The following RGS9 variants were observed in gnomAD, a reference collection of about 807,000 sequenced individuals.
RGS9 encodes regulator of G-protein signalling 9.
A neutral mutation model predicts 102.0 loss-of-function variants in RGS9; 78 were observed. That is an observed-to-expected ratio of 0.76 (90% CI 0.64 to 0.92). The LOEUF (loss-of-function observed/expected upper bound fraction) is 0.92, where lower values mean the gene tolerates loss of function less well. Among genes scored for constraint, RGS9 ranks in the 40% least tolerant of loss-of-function variants. The probability of loss-of-function intolerance (pLI) is 0.00; values close to 1 mark genes in which losing one functional copy is unlikely to be tolerated. For synonymous variants in RGS9, 353 were observed against 318.6 expected (o/e 1.11, Z -1.15); for missense variants, 833 against 866.1 (o/e 0.96, Z 0.48).
chr17:65,145,564 T>A (rs1434176793), intron 1 of RGS9, among the ~76,000 whole-genome samples: 80 of 96,338 alleles, frequency 8.3e-4, no homozygotes, highest in African/African-American at 3.5e-3. Context: ...TTTTTTTTTT[T>A]AATATATTTT....
At chr17:65,216,116 T>A (rs931847999) in intron 17 of RGS9, among the ~76,000 whole-genome samples, 2 of 152,018 alleles carry the variant, frequency 1.3e-5, no homozygotes, top group African/African-American at 4.8e-5. Flanking sequence ...TAATTATAGT[T>A]CCCCCTTCTT....
chr17:65,169,504 G>C (rs1475138152), intron 8 of RGS9, among the ~76,000 whole-genome samples: 4 of 152,174 alleles, frequency 2.6e-5, no homozygotes, highest in Non-Finnish European at 5.9e-5. Flanking sequence ...GCACTCTGTG[G>C]TGAGGATAAG....
intron 18 of RGS9, 84 bp downstream of exon 18, chr17:65,225,570 T>C: frequency 6.3e-7 from 1 of 1,589,092 alleles, no homozygotes; most frequent in Non-Finnish European, 8.5e-7. Context: ...TGCTTTGGGC[T>C]GGGGACTGGG....
intron 18 of RGS9, among the ~76,000 whole-genome samples, chr17:65,226,770 G>A (rs1236226335): frequency 2.0e-5 from 3 of 152,090 alleles, no homozygotes; most frequent in Admixed American, 1.3e-4. Context: ...ATGCCACCAC[G>A]CCCGGCTAAT....
rs1189442484 is a variant in RGS9, at chr17:65,158,240, G to A, written c.155-55G>A. ...ACCAGTCAGGCAACAGCGTGGAGGA[G>A]CGGGGATGTGTCAGGAGGCTATGAC... is the stretch of plus-strand genomic sequence containing the variant. On this transcript the variant is annotated intron_variant, in intron 2 of 18. Coordinates refer to ENST00000262406, the MANE Select transcript of RGS9 (RefSeq NM_003835.4). The A allele has an allele frequency of 2.6e-6, 4 of 1,534,294 alleles. No individual in the cohort carries two copies. In the Admixed American group the frequency reaches 6.7e-5, roughly 26 times the overall value.
At chr17:65,154,238 C>T (rs1260176363) in intron 2 of RGS9, among the ~76,000 whole-genome samples, 5 of 152,128 alleles carry the variant, frequency 3.3e-5, no homozygotes, top group South Asian at 2.1e-4. Flanking sequence ...ACCCGGGAGG[C>T]GGAGTTTGCA....
chr17:65,224,921 G>T, intron 17 of RGS9, 81 bp from the exon 18 acceptor site: 2 of 1,584,234 alleles, frequency 1.3e-6, no homozygotes, highest in African/African-American at 1.3e-5. Context: ...AGGGGACTAA[G>T]TTAGCAGAGG....
In RGS9 at chr17:65,224,806, G is replaced by T. The variant is rs1905544591; in HGVS notation, c.1408-196G>T. On this transcript the variant is annotated intron_variant, in intron 17 of 18. Coordinates refer to ENST00000262406, the MANE Select transcript of RGS9 (RefSeq NM_003835.4). Reference sequence around the variant, plus strand: ...GGGCTGGGCGACAGGCAGGTCCCTGGACAGGAGGCCTCTGTGTGGCTGTGC... The same window carrying T: ...GGGCTGGGCGACAGGCAGGTCCCTGTACAGGAGGCCTCTGTGTGGCTGTGC... 2.6e-5 allele frequency among the ~76,000 whole-genome samples: 4 copies of T among 152,206 alleles called. No homozygotes were observed. The South Asian group carries it at 8.3e-4, about 32-fold the overall frequency.
chr17:65,195,314 G>C (rs1032670052), intron 12 of RGS9, among the ~76,000 whole-genome samples: 1 of 152,186 alleles, frequency 6.6e-6, no homozygotes, highest in African/African-American at 2.4e-5. Context: ...GGTAGAGATT[G>C]CTGGCAAGAA....
At position 65,227,364 on chromosome 17, in the gene RGS9, G is replaced by A. The variant is rs1036693027; in HGVS notation, c.1982G>A (p.Arg661Gln). ...EDAGTGESGDRATEKEVICPW... is the reference protein window; with the variant it reads ...EDAGTGESGDQATEKEVICPW... ...GCTGGAACAGGAGAGTCGGGTGACC[G>A]GGCCACAGAAAAGGAGGTCATCTGC... Residue 661 changes from arginine (R) to glutamine (Q), a missense_variant, in exon 19 of 19, where the codon CGG becomes CAG. Coordinates refer to ENST00000262406, the MANE Select transcript of RGS9 (RefSeq NM_003835.4). 24 of 1,614,080 alleles carry A rather than the reference G, an allele frequency of 1.5e-5. No homozygotes were observed. Among genetic ancestry groups the A allele is most frequent in the Admixed American group, 3.3e-5 (2 of 60,016 alleles).
chr17:65,160,903 T>C lies in RGS9; in HGVS notation c.417T>C (p.Tyr139=). 6.2e-7 allele frequency: 1 copy of C among 1,612,954 alleles called. No homozygotes were observed. The highest frequency in any genetic ancestry group is 8.5e-7 in the Non-Finnish European group (1 of 1,178,862). ...NIKKKGILEE[Y]EKENYNFLNQ... is the part of the protein sequence containing the mutation. ...AAAAGAAAGGGATTTTGGAAGAATA[T>C]GAAAAGGTATGGAGGTGCTTTTAAG... The change falls in exon 6 of 19, where the codon TAT becomes TAC. Residue 139 remains tyrosine, a synonymous_variant. Transcript: ENST00000262406.
At chr17:65,210,443 A>C in intron 16 of RGS9, 45 bp from the exon 17 acceptor site, 1 of 1,605,830 alleles carries the variant, frequency 6.2e-7, no homozygotes, top group African/African-American at 1.3e-5. Context: ...GTGTTGGGCA[A>C]GCTGTGTCAT....
Position 65,137,396 on chromosome 17 carries a change from G to T in RGS9, c.-145G>T, listed in dbSNP as rs977607787. On this transcript the variant is annotated 5_prime_UTR_variant, in exon 1 of 19. Transcript: ENST00000262406. ...GTCAGCGGCGCCTAGTGAGAGTCAG[G>T]GGGGCCCGGCCCGCGCCCTCCCCGC... 6.5e-6 allele frequency: 5 copies of T among 770,870 alleles called. No individual in the cohort carries two copies. Among genetic ancestry groups the T allele is most frequent in the Admixed American group, 2.0e-5 (1 of 50,606 alleles). The allele number at this position is 770,870 out of a possible 1,614,324, so 47.8% of individuals were successfully genotyped here. A position where few individuals can be genotyped will look rare whatever the true frequency, so the allele number is the denominator to read the frequency against.
intron 9 of RGS9, among the ~76,000 whole-genome samples, chr17:65,187,783 G>C (rs7220949): frequency 1.3e-5 from 2 of 151,978 alleles, no homozygotes; most frequent in Non-Finnish European, 2.9e-5. Flanking sequence ...GGATCACGAG[G>C]TCAAGAGATT....
chr17:65,222,964 A>G (rs1905425345), intron 17 of RGS9, among the ~76,000 whole-genome samples: 1 of 152,174 alleles, frequency 6.6e-6, no homozygotes, highest in Non-Finnish European at 1.5e-5. Flanking sequence ...ACTCCGAGTC[A>G]GCCAGTTGGG....
chr17:65,147,399 T>G (rs1473407928), intron 1 of RGS9, among the ~76,000 whole-genome samples: 1 of 151,860 alleles, frequency 6.6e-6, no homozygotes, highest in Non-Finnish European at 1.5e-5. Flanking sequence ...CAATAAAGAT[T>G]GAAATAGGGA....
chr17:65,216,554 T>C (rs1367735672), intron 17 of RGS9, among the ~76,000 whole-genome samples: 2 of 152,196 alleles, frequency 1.3e-5, no homozygotes, highest in Admixed American at 1.3e-4. Context: ...GGAGAATCGC[T>C]TGAACCCGGG....
At chr17:65,159,841 G>T (rs998262715) in intron 3 of RGS9, among the ~76,000 whole-genome samples, 1 of 152,178 alleles carries the variant, frequency 6.6e-6, no homozygotes, top group African/African-American at 2.4e-5. Context: ...GTGACAAAGT[G>T]TCTGTTGGTC....
chr17:65,214,506 A>G (rs1375008232), intron 17 of RGS9, among the ~76,000 whole-genome samples: 4 of 152,170 alleles, frequency 2.6e-5, no homozygotes, highest in African/African-American at 9.7e-5. Context: ...GGGGATCATG[A>G]TAAGGTTTTT....
Sources: gnomAD v4.1 joint callset for allele counts (sites outside exome capture counted in the v4.1 genomes callset) on GRCh38, gnomAD v4.1.1 for gene constraint, MANE v1.5 for transcripts, NCBI Gene and HGNC (gene_info 2026-07-23, HGNC 2026-07-21) for gene names.